LYPD6: variants seen among roughly 807,000 people sequenced by gnomAD.
LYPD6 encodes the protein ly6/PLAUR domain-containing protein 6.
In LYPD6, 15 loss-of-function variants were observed where a neutral mutation model predicts 22.7. That is an observed-to-expected ratio of 0.66 (90% CI 0.44 to 1.02). The LOEUF (loss-of-function observed/expected upper bound fraction) is 1.02, where lower values mean the gene tolerates loss of function less well. Ranked by LOEUF, LYPD6 falls within the 50% of genes least tolerant of loss-of-function variation. The probability of loss-of-function intolerance (pLI) is 0.00; values close to 1 mark genes in which losing one functional copy is unlikely to be tolerated. For missense variants in LYPD6, 189 were observed against 208.4 expected (o/e 0.91, Z 0.57); for synonymous variants, 72 against 77.5 (o/e 0.93, Z 0.37).
At chr2:149,370,721 C>T (rs1313405587) in intron 1 of LYPD6, 1 of 152,166 alleles carries the variant, frequency 6.6e-6, no homozygotes, top group Non-Finnish European at 1.5e-5. Context: ...AGTTCAAGAA[C>T]ATCCCATGAG....
intron 1 of LYPD6, among the ~76,000 whole-genome samples, chr2:149,335,497 A>AG (rs1195406144): frequency 6.6e-6 from 1 of 152,240 alleles, no homozygotes; most frequent in Non-Finnish European, 1.5e-5. Context: ...AACATATAAA[A>AG]GTTTGTAAAA....
intron 1 of LYPD6, among the ~76,000 whole-genome samples, chr2:149,332,615 G>T (rs909951173): frequency 1.3e-5 from 2 of 152,214 alleles, no homozygotes; most frequent in Non-Finnish European, 2.9e-5. Context: ...GCAGAGTTCA[G>T]TCAAGTGTTT....
At chr2:149,437,528 TC>T in intron 1 of LYPD6, 109 bp from the exon 2 acceptor site, 1 of 828,704 alleles carries the variant, frequency 1.2e-6, no homozygotes, top group Non-Finnish European at 1.8e-6. Context: ...TCTACCCACT[TC>T]CTTGTGCCCT....
the LYPD6 span, among the ~76,000 whole-genome samples, chr2:149,481,411 T>G: frequency 4.7e-4 from 72 of 152,240 alleles, no homozygotes; most frequent in Non-Finnish European, 9.6e-4. Context: ...AATTTGGCAG[T>G]ATGTGTTGAG....
At chr2:149,443,110 G>T (rs1057108391) in intron 2 of LYPD6, among the ~76,000 whole-genome samples, 4 of 152,138 alleles carry the variant, frequency 2.6e-5, no homozygotes, top group African/African-American at 9.7e-5. Context: ...CAGAATCCAG[G>T]CCTCTTATGT....
chr2:149,480,431 C>A, the LYPD6 span, among the ~76,000 whole-genome samples: 2 of 152,080 alleles, frequency 1.3e-5, no homozygotes, highest in African/African-American at 4.8e-5. Flanking sequence ...CCCTTTATAC[C>A]CTCCATATCT....
intron 1 of LYPD6, among the ~76,000 whole-genome samples, chr2:149,425,306 T>C (rs952051293): frequency 2.0e-5 from 3 of 152,206 alleles, no homozygotes; most frequent in African/African-American, 7.2e-5. Context: ...ATGGGGACTT[T>C]TATTTTAAGA....
At chr2:149,475,509 A>T (rs1681434416), downstream of LYPD6, among the ~76,000 whole-genome samples, 1 of 152,210 alleles carries the variant, frequency 6.6e-6, no homozygotes, top group African/African-American at 2.4e-5. Context: ...TGTCTTTCAA[A>T]TGAAGCCTTC....
At position 149,402,163 on chromosome 2, in the gene LYPD6, T is replaced by A. The variant is rs192729688; in HGVS notation, c.-71-35475T>A. ...AAAAGAATAATAGTCTCCAATTCCATCCAGGTTGCTGCAAATGCCATTATT... is the reference window on the plus strand; with the variant it reads ...AAAAGAATAATAGTCTCCAATTCCAACCAGGTTGCTGCAAATGCCATTATT... On this transcript the variant is annotated intron_variant, in intron 1 of 4. Coordinates refer to ENST00000334166, the MANE Select transcript of LYPD6 (RefSeq NM_194317.5). Among the ~76,000 whole-genome samples the A allele has an allele frequency of 3.8e-3, 573 of 152,140 alleles. 14 individuals carry two copies. The highest frequency in any genetic ancestry group is 0.034 in the Admixed American group (523 of 15,256).
In LYPD6 at chr2:149,472,773, C is replaced by T. The variant is rs1681371812; in HGVS notation, c.*1923C>T. The T allele has an allele frequency of 1.3e-5, 2 of 152,528 alleles. No homozygotes were observed. The highest frequency in any genetic ancestry group is 1.3e-4 in the Admixed American group (2 of 15,270). 9.4% of individuals were successfully genotyped at this position (152,528 alleles called of 1,614,324 possible). A position where few individuals can be genotyped will look rare whatever the true frequency, so the allele number is the denominator to read the frequency against. ...CATTTACACTTCCCAAATGAAGGTA[C>T]CAAAGCTCAAACGCAATGTTGTGAA... On this transcript the variant is annotated 3_prime_UTR_variant, in exon 5 of 5. Coordinates refer to ENST00000334166, the MANE Select transcript of LYPD6 (RefSeq NM_194317.5).
At chr2:149,459,776 C>T (rs1473783416) in intron 3 of LYPD6, among the ~76,000 whole-genome samples, 3 of 151,992 alleles carry the variant, frequency 2.0e-5, no homozygotes, top group Non-Finnish European at 4.4e-5. Flanking sequence ...GTGGCAGGCA[C>T]CTGTAGTCCC....
At chr2:149,468,105 T>G (rs1460785331) in intron 3 of LYPD6, among the ~76,000 whole-genome samples, 1 of 150,038 alleles carries the variant, frequency 6.7e-6, no homozygotes, top group Non-Finnish European at 1.5e-5. Flanking sequence ...TAAATTGTTC[T>G]GCTCTTGTGA....
chr2:149,340,485 G>A (rs1480445275), intron 1 of LYPD6, among the ~76,000 whole-genome samples: 2 of 152,170 alleles, frequency 1.3e-5, no homozygotes, highest in Non-Finnish European at 2.9e-5. Context: ...GTAGAGGGAA[G>A]GTTGGAGGTC....
rs531507581 is a variant in LYPD6 at position 149,408,238 on chromosome 2, G to A, written c.-71-29400G>A. Among the ~76,000 whole-genome samples the A allele has an allele frequency of 7.2e-5, 11 of 152,264 alleles. No homozygotes were observed. In the South Asian group the frequency reaches 2.3e-3, roughly 32 times the overall value. The stretch of plus-strand genomic sequence containing the variant: ...CCCGTTCTCAGATCTCCAGCTGCGT[G>A]CTGGGAGAACCACTGTTCTCCTCAA... On this transcript the variant is annotated intron_variant, in intron 1 of 4. Transcript: ENST00000334166.
intron 1 of LYPD6, among the ~76,000 whole-genome samples, chr2:149,408,599 A>AT (rs2105119426): frequency 6.6e-6 from 1 of 152,154 alleles, no homozygotes; most frequent in South Asian, 2.1e-4. Flanking sequence ...GGATTTTTTC[A>AT]TTTTTTAAAA....
downstream of LYPD6, among the ~76,000 whole-genome samples, chr2:149,476,207 T>C (rs1372455902): frequency 6.6e-6 from 1 of 152,164 alleles, no homozygotes; most frequent in Non-Finnish European, 1.5e-5. Context: ...CCTCTCCCTT[T>C]ACTGTGGGAT....
intron 3 of LYPD6, among the ~76,000 whole-genome samples, chr2:149,459,299 T>C (rs1681034890): frequency 6.6e-6 from 1 of 152,148 alleles, no homozygotes; most frequent in Admixed American, 6.6e-5. Context: ...TCAGAGAAAA[T>C]ATCCTTCAGG....
intron 1 of LYPD6, among the ~76,000 whole-genome samples, chr2:149,365,719 C>T (rs547396684): frequency 2.0e-4 from 30 of 151,910 alleles, no homozygotes; most frequent in Non-Finnish European, 4.1e-4. Flanking sequence ...AGAACAGCTA[C>T]TACACTTGAT....
At chr2:149,406,405 A>G (rs2105115899) in intron 1 of LYPD6, among the ~76,000 whole-genome samples, 1 of 151,484 alleles carries the variant, frequency 6.6e-6, no homozygotes, top group Admixed American at 6.6e-5. Context: ...TGCTTTATGA[A>G]TCTGGGTGCT....
Sources: allele counts gnomAD v4.1 joint callset (sites outside exome capture counted in the v4.1 genomes callset), GRCh38; gene constraint gnomAD v4.1.1; transcripts MANE v1.5; gene names NCBI Gene and HGNC (gene_info 2026-07-23, HGNC 2026-07-21).